Variants in PTPN14 observed in about 807,000 individuals in gnomAD.
The protein encoded by PTPN14 is tyrosine-protein phosphatase non-receptor type 14.
In PTPN14, 53 loss-of-function variants were observed where a neutral mutation model predicts 126.8. The observed-to-expected ratio is 0.42, with a 90% confidence interval of 0.34 to 0.53. PTPN14 has a LOEUF of 0.53. PTPN14 is among the 20% of genes least tolerant of loss of function. The pLI is 0.08. For synonymous variants in PTPN14, 630 were observed against 599.3 expected (o/e 1.05, Z -0.75); for missense variants, 1,257 against 1,552.9 (o/e 0.81, Z 3.20).
At chr1:214,360,940 C>T (rs183949073) in intron 18 of PTPN14, among the ~76,000 whole-genome samples, 5 of 152,166 alleles carry the variant, frequency 3.3e-5, no homozygotes, top group East Asian at 1.9e-4. Flanking sequence ...TCATGAGATC[C>T]GGTTGTTTAA....
chr1:214,464,517 C>T (rs1336399132), intron 2 of PTPN14, 113 bp downstream of exon 2: 2 of 1,402,552 alleles, frequency 1.4e-6, no homozygotes, highest in Non-Finnish European at 1.9e-6. Context: ...TCGCTTAGGC[C>T]AAAAAACACA....
chr1:214,469,949 A>G (rs2102659558), intron 1 of PTPN14, among the ~76,000 whole-genome samples: 1 of 152,292 alleles, frequency 6.6e-6, no homozygotes, highest in East Asian at 1.9e-4. Context: ...ATATAGTTTT[A>G]TTGATCTATT....
chr1:214,372,804 G>A lies in PTPN14; in HGVS notation c.2943C>T (p.Ala981=). The A allele has an allele frequency of 5.0e-6, 8 of 1,614,160 alleles. No individual in the cohort carries two copies. Among genetic ancestry groups the A allele is most frequent in the Non-Finnish European group, 6.8e-6 (8 of 1,180,024 alleles). The change falls in exon 16 of 19, where the codon GCC becomes GCT. Residue 981 remains alanine (A), a synonymous_variant. Coordinates refer to ENST00000366956, the MANE Select transcript of PTPN14 (RefSeq NM_005401.5). ...VVGGAEWHYI[A]TQGPLPHTCH... is the part of the protein sequence containing the mutation. ...ACGTGTGTGGCAGGGGCCCCTGGGT[G>A]GCTATGTAGTGCCATTCTGCCCCGC... is the stretch of plus-strand genomic sequence containing the variant.
At chr1:214,375,771 G>A (rs555811511) in intron 15 of PTPN14, among the ~76,000 whole-genome samples, 2 of 151,524 alleles carry the variant, frequency 1.3e-5, no homozygotes, top group Non-Finnish European at 2.9e-5. Flanking sequence ...TAGGACTCGC[G>A]CTTTTATAAA....
chr1:214,499,262 A>G (rs1013937730), intron 1 of PTPN14, among the ~76,000 whole-genome samples: 1 of 152,300 alleles, frequency 6.6e-6, no homozygotes, highest in Non-Finnish European at 1.5e-5. Context: ...ACAGAAAAAA[A>G]TGAATGAGGA....
chr1:214,492,048 G>C (rs1377678546), intron 1 of PTPN14, among the ~76,000 whole-genome samples: 1 of 151,978 alleles, frequency 6.6e-6, no homozygotes, highest in Non-Finnish European at 1.5e-5. Context: ...TCAAATAGAG[G>C]ATTTTCTTTT....
At chr1:214,466,695 T>A (rs1660646872) in intron 1 of PTPN14, among the ~76,000 whole-genome samples, 1 of 152,198 alleles carries the variant, frequency 6.6e-6, no homozygotes, top group Non-Finnish European at 1.5e-5. Flanking sequence ...CTCTTGCTCA[T>A]CTGATTGTTT....
In PTPN14 at chr1:214,451,729, C is replaced by T; in HGVS notation, c.344+76G>A. On this transcript the variant is annotated intron_variant, in intron 3 of 18. Transcript: ENST00000366956. ...CACACCCACACACCCCTAAATCTACCAGCTCATCTACTTCATTGGAAGCTT... is the reference window on the plus strand; with the variant it reads ...CACACCCACACACCCCTAAATCTACTAGCTCATCTACTTCATTGGAAGCTT... 2.6e-6 allele frequency: 4 copies of T among 1,517,026 alleles called. No individual in the cohort carries two copies. The South Asian group carries it at 3.8e-5, about 14-fold the overall frequency. 94.0% of individuals were successfully genotyped at this position (1,517,026 alleles called of 1,614,324 possible). A position where few individuals can be genotyped will look rare whatever the true frequency, so the allele number is the denominator to read the frequency against.
chr1:214,535,889 A>G (rs1655692201), intron 1 of PTPN14, among the ~76,000 whole-genome samples: 1 of 152,148 alleles, frequency 6.6e-6, no homozygotes, highest in Admixed American at 6.5e-5. Flanking sequence ...CTGTGTTACC[A>G]CTGAATTTAT....
intron 12 of PTPN14, among the ~76,000 whole-genome samples, chr1:214,386,173 G>T (rs910094440): frequency 4.6e-5 from 7 of 152,002 alleles, no homozygotes; most frequent in African/African-American, 1.7e-4. Context: ...AATAATAATA[G>T]TACCTATAGG....
intron 3 of PTPN14, among the ~76,000 whole-genome samples, chr1:214,450,467 G>A (rs868566186): frequency 1.2e-4 from 18 of 149,426 alleles, no homozygotes; most frequent in Middle Eastern, 3.4e-3. Context: ...GCAAGACTCC[G>A]TCTCAAATTA....
intron 1 of PTPN14, among the ~76,000 whole-genome samples, chr1:214,509,336 A>G (rs902370366): frequency 6.6e-6 from 1 of 152,216 alleles, no homozygotes; most frequent in African/African-American, 2.4e-5. Context: ...CATGTTATGG[A>G]AACAGCTTCT....
chr1:214,444,960 C>T (rs886614435), intron 3 of PTPN14, among the ~76,000 whole-genome samples: 1 of 152,320 alleles, frequency 6.6e-6, no homozygotes, highest in Non-Finnish European at 1.5e-5. Context: ...AACAGCACAG[C>T]TTTAAATGTG....
At position 214,402,895 on chromosome 1, in the gene PTPN14, T is replaced by C. The variant is rs748532455; in HGVS notation, c.569A>G (p.His190Arg). The change falls in exon 6 of 19, where the codon CAC becomes CGC. Residue 190 changes from histidine to arginine, a missense_variant. By Grantham distance (29) the His-to-Arg change is conservative. Coordinates refer to ENST00000366956, the MANE Select transcript of PTPN14 (RefSeq NM_005401.5). Reference protein sequence around the residue: ...EELTQKVAQEHKAHSGILPAE... With the variant: ...EELTQKVAQERKAHSGILPAE... Reference sequence around the variant, plus strand: ...CTGCCTGCCTTACCTGTGGGCTTTGTGTTCTTGGGCTACCTTCTGGGTCAG... The same window carrying C: ...CTGCCTGCCTTACCTGTGGGCTTTGCGTTCTTGGGCTACCTTCTGGGTCAG... 29 of 1,613,928 alleles carry C rather than the reference T, an allele frequency of 1.8e-5. No homozygotes were observed. Among genetic ancestry groups the C allele is most frequent in the Non-Finnish European group, 1.6e-5 (19 of 1,179,978 alleles).
chr1:214,427,440 T>C (rs4233300), intron 3 of PTPN14, among the ~76,000 whole-genome samples: 108,337 of 152,036 alleles, frequency 0.71, 38,956 homozygotes, highest in Middle Eastern at 0.81. Context: ...CCTTTTATAG[T>C]ACTTTCATTT....
chr1:214,531,200 C>T (rs1462173620), intron 1 of PTPN14: 6 of 152,142 alleles, frequency 3.9e-5, no homozygotes, highest in Non-Finnish European at 8.8e-5. Context: ...ACTCTTAATA[C>T]TCACATTTTT....
chr1:214,487,485 G>C (rs990325504), intron 1 of PTPN14, among the ~76,000 whole-genome samples: 1 of 152,096 alleles, frequency 6.6e-6, no homozygotes, highest in Non-Finnish European at 1.5e-5. Context: ...AGTTAGCCAG[G>C]CATAGTGGCA....
intron 1 of PTPN14, among the ~76,000 whole-genome samples, chr1:214,515,938 A>G (rs1368137109): frequency 1.3e-5 from 2 of 152,196 alleles, no homozygotes; most frequent in African/African-American, 4.8e-5. Flanking sequence ...ATTTTCCTGG[A>G]AAAACTGCAA....
chr1:214,429,788 T>C (rs1219031911), intron 3 of PTPN14, among the ~76,000 whole-genome samples: 1 of 152,194 alleles, frequency 6.6e-6, no homozygotes, highest in Non-Finnish European at 1.5e-5. Context: ...TAAGGATCAA[T>C]ATAGGGTATT....
Sources: gnomAD v4.1 joint callset for allele counts (sites outside exome capture counted in the v4.1 genomes callset) on GRCh38, gnomAD v4.1.1 for gene constraint, MANE v1.5 for transcripts, NCBI Gene and HGNC (gene_info 2026-07-23, HGNC 2026-07-21) for gene names.